The following CFAP299 variants were observed in gnomAD, a reference collection of about 807,000 sequenced individuals.
CFAP299 encodes the protein cilia- and flagella-associated protein 299.
CFAP299 carries 21 observed loss-of-function variants against 27.0 expected under a neutral mutation model. The observed-to-expected ratio is 0.78, with a 90% CI of 0.55 to 1.12. The LOEUF is 1.12. CFAP299 is among the 50% of genes most tolerant of loss of function. The pLI is 0.00. For synonymous variants in CFAP299, 104 were observed against 98.1 expected (o/e 1.06, Z -0.36); for missense variants, 310 against 276.6 (o/e 1.12, Z -0.86).
At chr4:80,597,359 C>T (rs1170404499) in intron 3 of CFAP299, among the ~76,000 whole-genome samples, 1 of 151,954 alleles carries the variant, frequency 6.6e-6, no homozygotes, top group South Asian at 2.1e-4. Context: ...TTTTAATATC[C>T]TTTTCTGAAA....
intron 4 of CFAP299, among the ~76,000 whole-genome samples, chr4:80,944,445 G>C (rs1161446680): frequency 6.6e-6 from 1 of 152,154 alleles, no homozygotes; most frequent in Non-Finnish European, 1.5e-5. Context: ...GATTTAGTGA[G>C]CCCTCCCTTC....
At chr4:80,413,652 A>T (rs898060545) in intron 2 of CFAP299, among the ~76,000 whole-genome samples, 2 of 152,102 alleles carry the variant, frequency 1.3e-5, no homozygotes, top group Non-Finnish European at 2.9e-5. Flanking sequence ...ACGAGGCACA[A>T]GAGTCCAAGA....
intron 3 of CFAP299, among the ~76,000 whole-genome samples, chr4:80,587,320 T>G (rs1196064728): frequency 6.6e-6 from 1 of 152,156 alleles, no homozygotes; most frequent in African/African-American, 2.4e-5. Context: ...TATAGCTGGA[T>G]AGATCTTTAA....
At chr4:80,662,784 G>A (rs769421527) in intron 3 of CFAP299, among the ~76,000 whole-genome samples, 3 of 152,134 alleles carry the variant, frequency 2.0e-5, no homozygotes, top group Non-Finnish European at 4.4e-5. Flanking sequence ...ACAGAGATGA[G>A]AGAAATGAGA....
chr4:80,482,236 G>A (rs777388770), intron 2 of CFAP299, among the ~76,000 whole-genome samples: 3 of 151,182 alleles, frequency 2.0e-5, no homozygotes, highest in Non-Finnish European at 2.9e-5. Flanking sequence ...AATCAGTACT[G>A]GCTATAACTG....
rs1724968016 is a variant in CFAP299, at chr4:80,752,148, C to T, written c.334-117845C>T. Among the ~76,000 whole-genome samples the T allele has an allele frequency of 2.0e-5, 3 of 152,198 alleles. No individual in the cohort carries two copies. The South Asian group carries it at 6.2e-4, about 31-fold the overall frequency. ...TCCCTTGGCTTTTGGGGTGGGGCTA[C>T]TTTGGCTCTGTGCCACTCCCCGGTA... On this transcript the variant is annotated intron_variant, in intron 3 of 5. Coordinates refer to ENST00000358105, the MANE Select transcript of CFAP299 (RefSeq NM_152770.3).
chr4:80,742,445 G>A (rs1318673881), intron 3 of CFAP299, among the ~76,000 whole-genome samples: 3 of 152,030 alleles, frequency 2.0e-5, no homozygotes, highest in African/African-American at 4.8e-5. Context: ...ATTAGCTATA[G>A]CAGAATATAA....
chr4:80,572,135 C>A (rs1735612851), intron 2 of CFAP299, among the ~76,000 whole-genome samples: 1 of 152,090 alleles, frequency 6.6e-6, no homozygotes, highest in South Asian at 2.1e-4. Context: ...GGGGTATCAA[C>A]ATTATTCATC....
At chr4:80,930,899 C>T (rs1736579020) in intron 4 of CFAP299, among the ~76,000 whole-genome samples, 1 of 152,064 alleles carries the variant, frequency 6.6e-6, no homozygotes, top group South Asian at 2.1e-4. Context: ...GCATTACTCC[C>T]TCCAGAAAGC....
intron 2 of CFAP299, among the ~76,000 whole-genome samples, chr4:80,365,752 G>A (rs1299867635): frequency 1.3e-5 from 2 of 152,200 alleles, no homozygotes; most frequent in South Asian, 2.1e-4. Flanking sequence ...AGGAATTCCT[G>A]TAAATTCACA....
chr4:80,900,974 C>G (rs755893060), intron 4 of CFAP299, among the ~76,000 whole-genome samples: 2 of 151,960 alleles, frequency 1.3e-5, no homozygotes, highest in African/African-American at 2.4e-5. Context: ...AATCATTTTA[C>G]TAAGTAACTA....
intron 2 of CFAP299, among the ~76,000 whole-genome samples, chr4:80,566,940 T>G (rs1735326191): frequency 6.6e-6 from 1 of 151,956 alleles, no homozygotes; most frequent in African/African-American, 2.4e-5. Flanking sequence ...CTAGAGAAAC[T>G]TGCCAGATGT....
At chr4:80,498,793 A>T (rs1731585852) in intron 2 of CFAP299, among the ~76,000 whole-genome samples, 1 of 152,192 alleles carries the variant, frequency 6.6e-6, no homozygotes, top group African/African-American at 2.4e-5. Context: ...ACAAAGGCAC[A>T]TATGTGTTCA....
intron 3 of CFAP299, among the ~76,000 whole-genome samples, chr4:80,747,990 T>C (rs1271629327): frequency 1.3e-5 from 2 of 152,096 alleles, no homozygotes; most frequent in Non-Finnish European, 2.9e-5. Flanking sequence ...CTAAGTAATA[T>C]CTCTATTTAG....
intron 3 of CFAP299, among the ~76,000 whole-genome samples, chr4:80,652,990 A>G (rs1740385154): frequency 6.6e-6 from 1 of 152,140 alleles, no homozygotes; most frequent in South Asian, 2.1e-4. Context: ...CTGTTAATAA[A>G]AGAAGTAGAG....
intron 3 of CFAP299, among the ~76,000 whole-genome samples, chr4:80,735,720 T>G (rs1723819610): frequency 6.6e-6 from 1 of 152,198 alleles, no homozygotes; most frequent in Non-Finnish European, 1.5e-5. Context: ...TTCATTCTGT[T>G]GATAAGATAT....
chr4:80,849,272 G>A (rs558739693), intron 3 of CFAP299, among the ~76,000 whole-genome samples: 30 of 152,116 alleles, frequency 2.0e-4, no homozygotes, highest in African/African-American at 5.8e-4. Flanking sequence ...GTCACTAGGC[G>A]ATATGAAATT....
At chr4:80,400,658 A>T (rs936809724) in intron 2 of CFAP299, among the ~76,000 whole-genome samples, 1 of 152,146 alleles carries the variant, frequency 6.6e-6, no homozygotes. Flanking sequence ...TCCCAGTCTC[A>T]GGTATGTCTC....
intron 2 of CFAP299, among the ~76,000 whole-genome samples, chr4:80,455,607 G>A (rs970417736): frequency 6.6e-6 from 1 of 152,040 alleles, no homozygotes; most frequent in Non-Finnish European, 1.5e-5. Context: ...AGTAAGAACA[G>A]TGAAGTTGAA....
Sources: gnomAD v4.1 joint callset for allele counts (sites outside exome capture counted in the v4.1 genomes callset) on GRCh38, gnomAD v4.1.1 for gene constraint, MANE v1.5 for transcripts, NCBI Gene and HGNC (gene_info 2026-07-23, HGNC 2026-07-21) for gene names.